The following LRRTM4 variants were observed in gnomAD, a reference collection of about 807,000 sequenced individuals.
LRRTM4 encodes leucine-rich repeat transmembrane neuronal protein 4.
A neutral mutation model predicts 47.6 loss-of-function variants in LRRTM4; 25 were observed. The observed-to-expected ratio is 0.53, with a 90% CI of 0.38 to 0.73. LRRTM4 has a LOEUF of 0.73. Ranked by LOEUF, LRRTM4 falls within the 30% of genes least tolerant of loss-of-function variation. The pLI, the probability that LRRTM4 is intolerant of heterozygous loss-of-function variation, is 0.00. For missense variants in LRRTM4, 638 were observed against 713.4 expected (o/e 0.89, Z 1.20); for synonymous variants, 311 against 269.5 (o/e 1.15, Z -1.51).
chr2:77,220,713 C>G (rs1211554112), intron 3 of LRRTM4, among the ~76,000 whole-genome samples: 2 of 152,134 alleles, frequency 1.3e-5, no homozygotes, highest in Non-Finnish European at 2.9e-5. Context: ...TGTGAAAAGA[C>G]CAAAACTACA....
At chr2:77,449,650 C>A (rs1676180744) in intron 3 of LRRTM4, among the ~76,000 whole-genome samples, 2 of 152,128 alleles carry the variant, frequency 1.3e-5, no homozygotes, top group African/African-American at 4.8e-5. Flanking sequence ...CTGGTGATAG[C>A]CGGGACTATA....
At chr2:76,980,211 G>A (rs975978016) in intron 3 of LRRTM4, among the ~76,000 whole-genome samples, 5 of 152,040 alleles carry the variant, frequency 3.3e-5, no homozygotes, top group African/African-American at 9.7e-5. Context: ...AAAGAAAAGC[G>A]AAAATGAGAA....
intron 3 of LRRTM4, among the ~76,000 whole-genome samples, chr2:76,778,631 T>A (rs1674169998): frequency 6.6e-6 from 1 of 152,164 alleles, no homozygotes; most frequent in Admixed American, 6.5e-5. Context: ...TTTTACTGCA[T>A]CCATTTGATT....
intron 3 of LRRTM4, among the ~76,000 whole-genome samples, chr2:77,443,517 C>G (rs1675927598): frequency 6.6e-6 from 1 of 152,132 alleles, no homozygotes; most frequent in African/African-American, 2.4e-5. Context: ...CAAGAAACAA[C>G]ATATACTTGA....
intron 3 of LRRTM4, among the ~76,000 whole-genome samples, chr2:76,797,603 T>G (rs1315133914): frequency 6.6e-6 from 1 of 150,748 alleles, no homozygotes; most frequent in East Asian, 2.0e-4. Flanking sequence ...AGGATCAAAT[T>G]CACACATAAC....
At chr2:76,919,629 T>A (rs1053911056) in intron 3 of LRRTM4, among the ~76,000 whole-genome samples, 1 of 152,176 alleles carries the variant, frequency 6.6e-6, no homozygotes, top group Admixed American at 6.5e-5. Flanking sequence ...TGACATTTTT[T>A]AATTTATAAT....
intron 3 of LRRTM4, among the ~76,000 whole-genome samples, chr2:77,208,285 C>A (rs139654352): frequency 2.3e-3 from 350 of 152,124 alleles, no homozygotes; most frequent in African/African-American, 7.9e-3. Context: ...GGACTTTAGC[C>A]CCCTCTTCCT....
At chr2:76,890,083 C>T (rs899847871) in intron 3 of LRRTM4, among the ~76,000 whole-genome samples, 2 of 151,848 alleles carry the variant, frequency 1.3e-5, no homozygotes, top group East Asian at 1.9e-4. Flanking sequence ...AAAGAAATAA[C>T]TGTAGCACAC....
At chr2:77,444,931 TTACACACACACACACACA>T (rs1675988970) in intron 3 of LRRTM4, among the ~76,000 whole-genome samples, 1 of 95,316 alleles carries the variant, frequency 1.0e-5, no homozygotes, top group South Asian at 3.3e-4. Flanking sequence ...CTCCTTTATT[TTACACACACACACACACA>T]TACACACACA....
At chr2:76,909,457 C>G (rs1247484108) in intron 3 of LRRTM4, among the ~76,000 whole-genome samples, 2 of 151,940 alleles carry the variant, frequency 1.3e-5, no homozygotes, top group African/African-American at 4.8e-5. Flanking sequence ...GTCTAAAACA[C>G]CAAAAGCAAT....
At chr2:77,050,918 ACTCT>A (rs987618846) in intron 3 of LRRTM4, among the ~76,000 whole-genome samples, 8 of 152,088 alleles carry the variant, frequency 5.3e-5, no homozygotes, top group African/African-American at 1.4e-4. Context: ...TCAGTCATAT[ACTCT>A]CTAAGTAATC....
chr2:77,003,226 A>G (rs900533091), intron 3 of LRRTM4, among the ~76,000 whole-genome samples: 1 of 151,864 alleles, frequency 6.6e-6, no homozygotes, highest in Non-Finnish European at 1.5e-5. Flanking sequence ...TGTGTTTCTT[A>G]TAATTTAAGC....
At chr2:77,005,271 A>C (rs1677597099) in intron 3 of LRRTM4, among the ~76,000 whole-genome samples, 1 of 152,082 alleles carries the variant, frequency 6.6e-6, no homozygotes, top group Admixed American at 6.5e-5. Flanking sequence ...CAGCCTCCTG[A>C]GTAGCTGGGA....
intron 3 of LRRTM4, among the ~76,000 whole-genome samples, chr2:77,195,583 G>A (rs1344772229): frequency 2.0e-5 from 3 of 151,762 alleles, no homozygotes; most frequent in Admixed American, 6.6e-5. Context: ...TATGTATAAT[G>A]GTAAATATTT....
At chr2:76,831,798 G>A (rs1198947194) in intron 3 of LRRTM4, among the ~76,000 whole-genome samples, 1 of 151,928 alleles carries the variant, frequency 6.6e-6, no homozygotes, top group African/African-American at 2.4e-5. Flanking sequence ...TCCTTAATGA[G>A]AATTTAGCTT....
At chr2:77,247,465 C>G (rs1340059870) in intron 3 of LRRTM4, among the ~76,000 whole-genome samples, 1 of 152,090 alleles carries the variant, frequency 6.6e-6, no homozygotes, top group Non-Finnish European at 1.5e-5. Context: ...GTAATGTTGT[C>G]TCCTAGACAG....
chr2:76,751,175 G>A (rs1239702378), intron 3 of LRRTM4, among the ~76,000 whole-genome samples: 2 of 152,090 alleles, frequency 1.3e-5, no homozygotes, highest in Admixed American at 6.6e-5. Flanking sequence ...ACAGTGACTG[G>A]CAATAGCCTA....
chr2:77,481,816 T>C (rs1322715957), intron 3 of LRRTM4, among the ~76,000 whole-genome samples: 1 of 152,130 alleles, frequency 6.6e-6, no homozygotes, highest in Non-Finnish European at 1.5e-5. Context: ...GCAACAGCTT[T>C]AGGTTAACTT....
chr2:77,051,357 G>T (rs1427372619), intron 3 of LRRTM4, among the ~76,000 whole-genome samples: 3 of 152,164 alleles, frequency 2.0e-5, no homozygotes, highest in African/African-American at 7.2e-5. Context: ...GATCTGTTTA[G>T]GGAGAGGCCA....
Sources: allele counts gnomAD v4.1 joint callset (sites outside exome capture counted in the v4.1 genomes callset), GRCh38; gene constraint gnomAD v4.1.1; transcripts MANE v1.5; gene names NCBI Gene and HGNC (gene_info 2026-07-23, HGNC 2026-07-21).